The following XRRA1 variants were observed in gnomAD, a reference collection of about 807,000 sequenced individuals.
The protein encoded by XRRA1 is X-ray radiation resistance associated 1, also known as X-ray radiation resistance-associated protein 1.
XRRA1 carries 69 observed loss-of-function variants against 80.2 expected under a neutral mutation model. That is an observed-to-expected ratio of 0.86 (90% CI 0.71 to 1.05). The LOEUF (loss-of-function observed/expected upper bound fraction) is 1.05, where lower values mean the gene tolerates loss of function less well. Ranked by LOEUF, XRRA1 falls within the 50% of genes least tolerant of loss-of-function variation. The probability of loss-of-function intolerance (pLI) is 0.00; values close to 1 mark genes in which losing one functional copy is unlikely to be tolerated. For synonymous variants in XRRA1, 348 were observed against 389.9 expected, an observed-to-expected ratio of 0.89 and a Z score of 1.27; for missense variants, 967 against 976.4, an observed-to-expected ratio of 0.99 and a Z score of 0.13.
chr11:74,868,066 C>A (rs1422019506), intron 10 of XRRA1, among the ~76,000 whole-genome samples: 2 of 152,022 alleles, frequency 1.3e-5, no homozygotes, highest in Non-Finnish European at 2.9e-5. Context: ...GGATTACAAG[C>A]ATGCGTCACC....
chr11:74,865,633 A>G (rs973255354), intron 10 of XRRA1, among the ~76,000 whole-genome samples: 1 of 152,194 alleles, frequency 6.6e-6, no homozygotes, highest in Non-Finnish European at 1.5e-5. Flanking sequence ...GCTAGGTGAC[A>G]TACACCTGTC....
At chr11:74,915,181 T>G (rs75878605) in intron 8 of XRRA1, among the ~76,000 whole-genome samples, 1 of 152,166 alleles carries the variant, frequency 6.6e-6, no homozygotes, top group Non-Finnish European at 1.5e-5. Flanking sequence ...GTCAGAGAGA[T>G]AGCCAGAAAT....
intron 10 of XRRA1, among the ~76,000 whole-genome samples, chr11:74,884,517 A>T (rs959056541): frequency 6.6e-6 from 1 of 152,144 alleles, no homozygotes; most frequent in South Asian, 2.1e-4. Flanking sequence ...TTTGCACCCT[A>T]TGTAAATCAG....
intron 10 of XRRA1, among the ~76,000 whole-genome samples, chr11:74,886,554 A>T (rs2049071604): frequency 6.6e-6 from 1 of 152,124 alleles, no homozygotes; most frequent in South Asian, 2.1e-4. Flanking sequence ...GCTTAAAAAA[A>T]AAAATCAGAA....
chr11:74,871,491 A>C (rs2044757293), intron 10 of XRRA1, among the ~76,000 whole-genome samples: 2 of 152,198 alleles, frequency 1.3e-5, no homozygotes, highest in South Asian at 4.1e-4. Context: ...TGGCCTTCTT[A>C]CTAGACCTTT....
In XRRA1 at chr11:74,884,733, C is replaced by T. The variant is rs200852063; in HGVS notation, c.1003+21506G>A. Among the ~76,000 whole-genome samples, 7 of 152,278 alleles carry T rather than the reference C, an allele frequency of 4.6e-5. No individual in the cohort carries two copies. The East Asian group carries it at 1.2e-3, about 25-fold the overall frequency. On this transcript the variant is annotated intron_variant, in intron 10 of 18. Coordinates refer to ENST00000684022, the MANE Select transcript of XRRA1 (RefSeq NM_001378157.1). ...AATGAACCTTAGGTATCACCCTAGA[C>T]AACAGGGCTGCTTCAATACCAGAAT...
Position 74,906,142 on chromosome 11 carries a change from G to T in XRRA1, c.1003+97C>A, listed in dbSNP as rs992441301. 1.6e-5 allele frequency: 18 copies of T among 1,149,142 alleles called. No individual in the cohort carries two copies. In the African/African-American group the frequency reaches 2.8e-4, roughly 18 times the overall value. 71.2% of individuals were successfully genotyped at this position (1,149,142 alleles called of 1,614,324 possible). On this transcript the variant is annotated intron_variant, in intron 10 of 18. Transcript: ENST00000684022. ...CAAAGAATCAGCAAATTCAATTCGT[G>T]ATATTCACCATGACCAAGTGAGACT...
intron 2 of XRRA1, among the ~76,000 whole-genome samples, chr11:74,944,568 G>A (rs1947123107): frequency 6.6e-6 from 1 of 152,158 alleles, no homozygotes; most frequent in Non-Finnish European, 1.5e-5. Flanking sequence ...GATTTTCCCT[G>A]CAAAGGGATG....
intron 7 of XRRA1, among the ~76,000 whole-genome samples, chr11:74,926,700 A>G (rs567725726): frequency 2.0e-5 from 3 of 152,324 alleles, no homozygotes; most frequent in Non-Finnish European, 4.4e-5. Context: ...AACTTGAACT[A>G]TAAGGACATG....
intron 2 of XRRA1, among the ~76,000 whole-genome samples, chr11:74,941,131 T>A (rs889741651): frequency 3.9e-5 from 6 of 152,134 alleles, no homozygotes; most frequent in African/African-American, 1.2e-4. Context: ...AAGAACATGA[T>A]CCTCCAGCTC....
intron 10 of XRRA1, among the ~76,000 whole-genome samples, chr11:74,885,006 G>A (rs1311015237): frequency 2.0e-5 from 3 of 152,204 alleles, no homozygotes; most frequent in South Asian, 2.1e-4. Flanking sequence ...GCTAATGCCT[G>A]TAATCCCAGC....
chr11:74,904,397 T>C (rs879671048), intron 10 of XRRA1, among the ~76,000 whole-genome samples: 28 of 151,780 alleles, frequency 1.8e-4, no homozygotes, highest in Admixed American at 1.2e-3. Flanking sequence ...AGTTCAACAA[T>C]ACAGTTTGAG....
chr11:74,871,542 A>G (rs1246481447), intron 10 of XRRA1, among the ~76,000 whole-genome samples: 1 of 152,206 alleles, frequency 6.6e-6, no homozygotes, highest in Non-Finnish European at 1.5e-5. Context: ...TAGCAGTCAT[A>G]TCAGGCAATC....
chr11:74,878,220 T>C lies in XRRA1; in HGVS notation c.1004-15199A>G, dbSNP rs1325493798. On this transcript the variant is annotated intron_variant, in intron 10 of 18. Transcript: ENST00000684022. ...GCATTTCTCTGATGGCCAGTGATGATGAGCATTTTTTCATGTGTTTTTTGG... is the reference window on the plus strand; with the variant it reads ...GCATTTCTCTGATGGCCAGTGATGACGAGCATTTTTTCATGTGTTTTTTGG... Among the ~76,000 whole-genome samples, 46 of 151,940 alleles carry C rather than the reference T, an allele frequency of 3.0e-4. No homozygotes were observed. The East Asian group carries it at 8.1e-3, about 27-fold the overall frequency.
chr11:74,875,458 C>G (rs963925584), intron 10 of XRRA1, among the ~76,000 whole-genome samples: 1 of 152,212 alleles, frequency 6.6e-6, no homozygotes, highest in African/African-American at 2.4e-5. Flanking sequence ...GTGGAAAGTC[C>G]TTAAGATCCT....
chr11:74,914,829 A>G (rs1280554116), intron 8 of XRRA1, among the ~76,000 whole-genome samples: 4 of 151,920 alleles, frequency 2.6e-5, no homozygotes, highest in African/African-American at 9.7e-5. Context: ...TGAACTGAAC[A>G]TGCAACAGAA....
intron 10 of XRRA1, among the ~76,000 whole-genome samples, chr11:74,899,553 T>G (rs1284816765): frequency 6.6e-6 from 1 of 151,896 alleles, no homozygotes; most frequent in Non-Finnish European, 1.5e-5. Context: ...ATAAATAAAA[T>G]CAGAGATAAA....
intron 5 of XRRA1, 100 bp from the exon 6 acceptor site, chr11:74,930,472 G>C (rs1012047646): frequency 9.8e-5 from 88 of 902,282 alleles, no homozygotes; most frequent in Admixed American, 1.9e-4. Flanking sequence ...AAGAAACAAA[G>C]ACCTAAAGGA....
At chr11:74,875,772 G>A (rs1026703092) in intron 10 of XRRA1, among the ~76,000 whole-genome samples, 2 of 152,162 alleles carry the variant, frequency 1.3e-5, no homozygotes, top group African/African-American at 4.8e-5. Context: ...TTGGGAGGCT[G>A]AGGCACGATA....
Sources: gnomAD v4.1 joint callset for allele counts (sites outside exome capture counted in the v4.1 genomes callset) on GRCh38, gnomAD v4.1.1 for gene constraint, MANE v1.5 for transcripts, NCBI Gene and HGNC (gene_info 2026-07-23, HGNC 2026-07-21) for gene names.